Variants in EP400 observed in about 807,000 individuals in gnomAD.
EP400 encodes the protein E1A binding protein p400.
EP400 carries 105 observed loss-of-function variants against 354.1 expected under a neutral mutation model. That is an observed-to-expected ratio of 0.30 (90% CI 0.25 to 0.35). The LOEUF (loss-of-function observed/expected upper bound fraction) is 0.35. Among genes scored for constraint, EP400 ranks in the 10% least tolerant of loss-of-function variants. The pLI, the probability that EP400 is intolerant of heterozygous loss-of-function variation, is 1.00. For synonymous variants in EP400, 1,646 were observed against 1,716.9 expected, an observed-to-expected ratio of 0.96 and a Z score of 1.02; for missense variants, 3,280 against 4,121.0, an observed-to-expected ratio of 0.80 and a Z score of 5.59.
intron 12 of EP400, among the ~76,000 whole-genome samples, chr12:131,995,362 C>T (rs997802828): frequency 1.4e-5 from 2 of 140,284 alleles, no homozygotes; most frequent in Non-Finnish European, 3.0e-5. Context: ...TTCATACCAA[C>T]GAATCCCACC....
intron 32 of EP400, among the ~76,000 whole-genome samples, chr12:132,040,271 A>G (rs1329076152): frequency 6.6e-6 from 1 of 152,034 alleles, no homozygotes; most frequent in Non-Finnish European, 1.5e-5. Flanking sequence ...GTCCCTGGGA[A>G]CGTCGTTGGC....
chr12:131,953,731 C>G (rs1055500936), intron 1 of EP400, among the ~76,000 whole-genome samples: 3 of 152,124 alleles, frequency 2.0e-5, no homozygotes, highest in Admixed American at 1.3e-4. Flanking sequence ...TAATTTGTTA[C>G]GTGACATCTA....
In EP400 at chr12:131,994,010, A is replaced by G. The variant is rs1214250626; in HGVS notation, c.2738-857A>G. ...TTCCAAAATTCCACCCTGGAAACCA[A>G]GTGATCAGAAGGCAGAAGGAATGGC... On this transcript the variant is annotated intron_variant, in intron 11 of 52. Coordinates refer to ENST00000389561, the MANE Select transcript of EP400 (RefSeq NM_015409.5). The surrounding 1 kb of genome is among the most constrained non-coding windows in gnomAD (Gnocchi z 4.6). 1.3e-5 allele frequency among the ~76,000 whole-genome samples: 2 copies of G among 152,196 alleles called. No homozygotes were observed. Among genetic ancestry groups the G allele is most frequent in the Non-Finnish European group, 2.9e-5 (2 of 68,028 alleles).
At chr12:132,001,484 C>T (rs1279430120) in intron 12 of EP400, among the ~76,000 whole-genome samples, 1 of 152,126 alleles carries the variant, frequency 6.6e-6, no homozygotes, top group Non-Finnish European at 1.5e-5. Context: ...GGAGTGTGAC[C>T]ACTGAAGCAC....
At chr12:132,058,975 C>T (rs539768754) in intron 45 of EP400, among the ~76,000 whole-genome samples, 2 of 152,026 alleles carry the variant, frequency 1.3e-5, no homozygotes, top group Admixed American at 6.5e-5. Context: ...TTTCTGGTAA[C>T]AAGATGAGTT....
chr12:131,986,394 G>A lies in EP400; in HGVS notation c.1930-120G>A, dbSNP rs114383007. On this transcript the variant is annotated intron_variant, in intron 5 of 52. Transcript: ENST00000389561. ...ACGATGTGATTTGTCTGCTTGCATCGTGGAGCGGAAGGTGCTGGCAGTGCG... is the reference window on the plus strand; with the variant it reads ...ACGATGTGATTTGTCTGCTTGCATCATGGAGCGGAAGGTGCTGGCAGTGCG... 1,309 of 924,838 alleles carry A rather than the reference G, an allele frequency of 1.4e-3. 15 individuals carry two copies. The African/African-American group carries it at 0.019, about 14-fold the overall frequency. The allele number at this position is 924,838 out of a possible 1,614,324, so 57.3% of individuals were successfully genotyped here. A position where few individuals can be genotyped will look rare whatever the true frequency, so the allele number is the denominator to read the frequency against.
rs1403267096 is a variant in EP400, at chr12:132,018,345, C to G, written c.4246C>G (p.Arg1416Gly). The change falls in exon 21 of 53, where the codon CGA (arginine) becomes GGA (glycine). Residue 1416 changes from arginine (R) to glycine (G), a missense_variant. By Grantham distance (125) the Arg-to-Gly change is moderately radical. Around this residue, in one of 20 missense-constraint regions of EP400, gnomAD observed 342 missense variants for 342.7 expected, o/e 1.00. Coordinates refer to ENST00000389561, the MANE Select transcript of EP400 (RefSeq NM_015409.5). This position sits in a 1 kb window ranked among gnomAD's most constrained non-coding sequence, Gnocchi z 4.0. ...EISTSAAPAA[R>G]PAAAKLKASR... The stretch of plus-strand genomic sequence containing the variant: ...CTCCACTTCAGCAGCCCCAGCAGCC[C>G]GACCAGCAGCAGCAAAGCTGAAGGC... 1.9e-6 allele frequency: 3 copies of G among 1,609,402 alleles called. No homozygotes were observed. Among genetic ancestry groups the G allele is most frequent in the Non-Finnish European group, 1.7e-6 (2 of 1,178,736 alleles).
In EP400 at chr12:132,014,697, G is replaced by A. The variant is rs566991169; in HGVS notation, c.3923+784G>A. The stretch of plus-strand genomic sequence containing the variant: ...TACCCCGTGCCACCTCAGCCTCAGC[G>A]TCCCTCACAGGCACAGTCAGACACA... On this transcript the variant is annotated intron_variant, in intron 19 of 52. Coordinates refer to ENST00000389561, the MANE Select transcript of EP400 (RefSeq NM_015409.5). 5.3e-5 allele frequency among the ~76,000 whole-genome samples: 8 copies of A among 152,282 alleles called. No homozygotes were observed. The South Asian group carries it at 1.2e-3, about 24-fold the overall frequency.
Position 132,066,776 on chromosome 12 carries a change from C to T in EP400, c.8556C>T (p.Thr2852=), listed in dbSNP as rs1219101170. The change falls in exon 49 of 53, where the codon ACC becomes ACT. Residue 2852 remains threonine (T), a splice_region_variant and synonymous_variant. Transcript: ENST00000389561. ...TVANLQVARL[T]RVPTSQLQAQ... ...CTCCCATTATTTCTACTGTTTAGAC[C>T]CGGGTTCCCACTTCTCAGCTGCAGG... 6.2e-7 allele frequency: 1 copy of T among 1,613,634 alleles called. No individual in the cohort carries two copies. The highest frequency in any genetic ancestry group is 2.2e-5 in the East Asian group (1 of 44,840).
intron 30 of EP400, among the ~76,000 whole-genome samples, chr12:132,032,350 C>T (rs1196012875): frequency 6.6e-6 from 1 of 152,214 alleles, no homozygotes; most frequent in African/African-American, 2.4e-5. Flanking sequence ...GTTTGTTTTC[C>T]TTCAGACAAA....
intron 23 of EP400, among the ~76,000 whole-genome samples, 154 bp downstream of exon 23, chr12:132,021,475 C>A (rs1009590329): frequency 1.3e-5 from 2 of 152,248 alleles, no homozygotes; most frequent in African/African-American, 4.8e-5. Context: ...CAGCTGCCTC[C>A]GGCATGAGTC....
intron 12 of EP400, among the ~76,000 whole-genome samples, chr12:131,995,467 G>A (rs967458716): frequency 2.0e-5 from 3 of 149,992 alleles, no homozygotes; most frequent in African/African-American, 7.4e-5. Flanking sequence ...TTCATCTTGA[G>A]TGTGTGAGAA....
Position 132,075,932 on chromosome 12 carries a change from C to T in EP400, c.9022-584C>T, listed in dbSNP as rs533995928. The T allele has an allele frequency of 4.7e-4, 86 of 182,898 alleles. 2 individuals are homozygous for T. The South Asian group carries it at 9.2e-3, about 20-fold the overall frequency. 11.3% of individuals were successfully genotyped at this position (182,898 alleles called of 1,614,324 possible). A position where few individuals can be genotyped will look rare whatever the true frequency, so the allele number is the denominator to read the frequency against. On this transcript the variant is annotated intron_variant, in intron 51 of 52. Transcript: ENST00000389561. This position sits in a 1 kb window ranked among gnomAD's most constrained non-coding sequence, Gnocchi z 4.5. The stretch of plus-strand genomic sequence containing the variant: ...ACAGGTGGCCCAGAGCCTCTTACTA[C>T]GTCAAGACAGCGGGAGATGCATGCA...
At position 132,077,582 on chromosome 12, in the gene EP400, C is replaced by T. The variant is rs779866025; in HGVS notation, c.9281C>T (p.Ala3094Val). 1 of 1,613,954 alleles carries T rather than the reference C, an allele frequency of 6.2e-7. No homozygotes were observed. The highest frequency in any genetic ancestry group is 2.2e-5 in the East Asian group (1 of 44,890). ...PGAPNPAQVPASSDSPSQQPK... is the reference protein window; with the variant it reads ...PGAPNPAQVPVSSDSPSQQPK... ...GCTCCCAACCCAGCCCAGGTGCCCG[C>T]CAGCTCCGACAGCCCAAGCCAGCAG... The change falls in exon 53 of 53, where the codon GCC becomes GTC. Residue 3094 changes from alanine to valine, a missense_variant. Around this residue, in one of 20 missense-constraint regions of EP400, gnomAD observed 279 missense variants for 386.7 expected, o/e 0.72. Transcript: ENST00000389561.
intron 1 of EP400, among the ~76,000 whole-genome samples, chr12:131,952,273 A>G (rs2136456816): frequency 7.4e-6 from 1 of 135,358 alleles, no homozygotes; most frequent in East Asian, 2.4e-4. Flanking sequence ...ACTGCACTCC[A>G]GCCTGGGCGA....
intron 45 of EP400, among the ~76,000 whole-genome samples, chr12:132,056,087 G>A (rs1895503885): frequency 6.6e-6 from 1 of 151,970 alleles, no homozygotes; most frequent in African/African-American, 2.4e-5. Context: ...CTAGGCAAAG[G>A]TGCAGAGCCA....
chr12:132,002,976 G>T (rs1324193162), intron 12 of EP400, among the ~76,000 whole-genome samples: 1 of 152,040 alleles, frequency 6.6e-6, no homozygotes, highest in Non-Finnish European at 1.5e-5. Flanking sequence ...TCATGTCCAT[G>T]GGTTTCAAAT....
At chr12:132,042,152 T>C (rs1894934508) in intron 32 of EP400, among the ~76,000 whole-genome samples, 1 of 152,112 alleles carries the variant, frequency 6.6e-6, no homozygotes, top group Non-Finnish European at 1.5e-5. Context: ...GGTTTCTCCA[T>C]GTTGGCCAGG....
Position 132,053,428 on chromosome 12 carries a change from AGCCACCGCCACCGCT to A in EP400, c.7565_7579del (p.Pro2522_Pro2526del). On this transcript the variant is annotated inframe_deletion, in exon 43 of 53. Coordinates refer to ENST00000389561, the MANE Select transcript of EP400 (RefSeq NM_015409.5). ...CCGCAGCCCCCACCACCCCCGCAGC[AGCCACCGCCACCGCT>A]GCCACAACCACAGGCAGCGGGCAGC... 8.2e-7 allele frequency: 1 copy of A among 1,216,696 alleles called. No homozygotes were observed. Among genetic ancestry groups the A allele is most frequent in the African/African-American group, 2.0e-5 (1 of 51,060 alleles). The allele number at this position is 1,216,696 out of a possible 1,614,324, so 75.4% of individuals were successfully genotyped here.
Sources: gnomAD v4.1 joint callset for allele counts (sites outside exome capture counted in the v4.1 genomes callset) on GRCh38, gnomAD v4.1.1 for gene constraint, gnomAD v4.1.1 regional missense constraint, Gnocchi (gnomAD v3.1) non-coding constraint, MANE v1.5 for transcripts, NCBI Gene and HGNC (gene_info 2026-07-23, HGNC 2026-07-21) for gene names.